The following ANTXRL variants were observed in gnomAD, a reference collection of about 807,000 sequenced individuals.
The protein encoded by ANTXRL is ANTXR like, also known as anthrax toxin receptor-like.
ANTXRL carries 63 observed loss-of-function variants against 75.4 expected under a neutral mutation model. That is an observed-to-expected ratio of 0.84 (90% CI 0.68 to 1.03). ANTXRL has a LOEUF of 1.03. ANTXRL is among the 50% of genes least tolerant of loss of function. ANTXRL has a pLI of 0.00. For missense variants in ANTXRL, 797 were observed against 789.4 expected, an observed-to-expected ratio of 1.01 and a Z score of -0.12; for synonymous variants, 335 against 291.3, an observed-to-expected ratio of 1.15 and a Z score of -1.53.
intron 13 of ANTXRL, 31 bp downstream of exon 13, chr10:46,309,233 G>T: frequency 6.5e-7 from 1 of 1,535,396 alleles, no homozygotes; most frequent in Non-Finnish European, 8.7e-7. Flanking sequence ...CAGCTCTGGG[G>T]CCCAGGCACA....
In ANTXRL at chr10:46,329,990, G is replaced by A; in HGVS notation, c.1802G>A (p.Arg601Lys). 6.5e-7 allele frequency: 1 copy of A among 1,534,956 alleles called. No individual in the cohort carries two copies. The change falls in exon 17 of 17, where the codon AGG becomes AAG. Residue 601 changes from arginine to lysine, a missense_variant. Physicochemically the swap from Arg to Lys is conservative, Grantham distance 26. Around this residue, in one of 3 missense-constraint regions of ANTXRL, gnomAD observed 479 missense variants for 422.0 expected, o/e 1.14. Coordinates refer to ENST00000620264, the MANE Select transcript of ANTXRL (RefSeq NM_001278688.3). Reference sequence around the variant, plus strand: ...CGCCTCCCCCCAGCTAGGTGCTTGAGGCCTCCCTCCAGGATGCTGCCGCTG... The same window carrying A: ...CGCCTCCCCCCAGCTAGGTGCTTGAAGCCTCCCTCCAGGATGCTGCCGCTG... ...RCRLPPARCL[R>K]PPSRMLPLLS... is the part of the protein sequence containing the mutation.
chr10:46,300,181 C>T lies in ANTXRL; in HGVS notation c.796+2119C>T, dbSNP rs192196399. 1.5e-4 allele frequency among the ~76,000 whole-genome samples: 23 copies of T among 152,148 alleles called. No individual in the cohort carries two copies. In the East Asian group the frequency reaches 2.7e-3, roughly 18 times the overall value. On this transcript the variant is annotated intron_variant, in intron 9 of 16. Coordinates refer to ENST00000620264, the MANE Select transcript of ANTXRL (RefSeq NM_001278688.3). ...GCCTTCTGCCTCTGCTCACGTGGCC[C>T]GGCAGTCACAGCCCTGATCTGTCAG...
intron 1 of ANTXRL, among the ~76,000 whole-genome samples, chr10:46,288,608 C>A (rs1186977730): frequency 2.0e-5 from 3 of 152,180 alleles, no homozygotes; most frequent in Non-Finnish European, 2.9e-5. Flanking sequence ...GCCACATAGT[C>A]TTGGGCAAGT....
At chr10:46,307,546 C>A in intron 12 of ANTXRL, 66 bp downstream of exon 12, 1 of 1,413,188 alleles carries the variant, frequency 7.1e-7, no homozygotes, top group Non-Finnish European at 9.7e-7. Flanking sequence ...CTAGAAGGAG[C>A]ACAGAAAAGG....
upstream of ANTXRL, among the ~76,000 whole-genome samples, chr10:46,286,678 T>G (rs566087320): frequency 1.3e-5 from 2 of 152,260 alleles, no homozygotes; most frequent in African/African-American, 2.4e-5. Flanking sequence ...AGTTTCCATC[T>G]CCTTCCCGAA....
At chr10:46,316,720 G>A (rs1399229474) in intron 16 of ANTXRL, among the ~76,000 whole-genome samples, 10 of 152,092 alleles carry the variant, frequency 6.6e-5, no homozygotes, top group South Asian at 2.1e-4. Flanking sequence ...AATGTCACAC[G>A]GCAGGTCCTC....
intron 3 of ANTXRL, 127 bp from the exon 4 acceptor site, chr10:46,295,892 C>A: frequency 1.3e-6 from 1 of 770,670 alleles, no homozygotes. Flanking sequence ...AGGACAAAGC[C>A]CTTGCCTGGG....
intron 16 of ANTXRL, among the ~76,000 whole-genome samples, chr10:46,319,988 A>G (rs1243647321): frequency 6.6e-6 from 1 of 152,194 alleles, no homozygotes; most frequent in Non-Finnish European, 1.5e-5. Context: ...GTGAAGCTGC[A>G]TGATGTTCCA....
At chr10:46,288,422 G>A (rs1245207722) in intron 1 of ANTXRL, among the ~76,000 whole-genome samples, 1 of 152,044 alleles carries the variant, frequency 6.6e-6, no homozygotes, top group Non-Finnish European at 1.5e-5. Context: ...GGCTTCCTGT[G>A]CTGCACACTT....
At chr10:46,297,727 C>A in intron 7 of ANTXRL, 104 bp from the exon 8 acceptor site, 1 of 1,078,774 alleles carries the variant, frequency 9.3e-7, no homozygotes, top group Non-Finnish European at 1.4e-6. Context: ...GCCTGACATT[C>A]TGCTGCCCCC....
chr10:46,315,600 G>A (rs1838682511), intron 16 of ANTXRL, among the ~76,000 whole-genome samples: 1 of 152,260 alleles, frequency 6.6e-6, no homozygotes, highest in Admixed American at 6.5e-5. Flanking sequence ...ACCCATGCCC[G>A]GCCTTGTGAG....
Position 46,307,478 on chromosome 10 carries a change from T to A in ANTXRL, c.1042T>A (p.Cys348Ser), listed in dbSNP as rs1284629560. Residue 348 changes from cysteine to serine, a missense_variant and splice_region_variant, in exon 12 of 17, where the codon TGT becomes AGT. By Grantham distance (112) the Cys-to-Ser change is moderately radical. Around this residue, in one of 3 missense-constraint regions of ANTXRL, gnomAD observed 479 missense variants for 422.0 expected, o/e 1.14. Coordinates refer to ENST00000620264, the MANE Select transcript of ANTXRL (RefSeq NM_001278688.3). ...KSNVSITSTT[C>S]GIFRNWLYFV... is the part of the protein sequence containing the mutation. Reference sequence around the variant, plus strand: ...CAATGTCAGCATCACCAGCACCACATGTGTGAGTACCAGCATGGGGCTGCA... The same window carrying A: ...CAATGTCAGCATCACCAGCACCACAAGTGTGAGTACCAGCATGGGGCTGCA... 2 of 1,535,818 alleles carry A rather than the reference T, an allele frequency of 1.3e-6. No homozygotes were observed. The highest frequency in any genetic ancestry group is 1.7e-6 in the Non-Finnish European group (2 of 1,146,514).
intron 9 of ANTXRL, among the ~76,000 whole-genome samples, 186 bp downstream of exon 9, chr10:46,298,248 G>C (rs1355669305): frequency 6.6e-6 from 1 of 151,978 alleles, no homozygotes; most frequent in East Asian, 1.9e-4. Flanking sequence ...GTTTGTGTGG[G>C]TGCAGTATGT....
At chr10:46,310,530 A>G in intron 14 of ANTXRL, 31 bp downstream of exon 14, 1 of 1,534,654 alleles carries the variant, frequency 6.5e-7, no homozygotes, top group Non-Finnish European at 8.7e-7. Flanking sequence ...CGATATTGTC[A>G]CATCCCAAGG....
chr10:46,300,452 C>T (rs113257266), intron 9 of ANTXRL, among the ~76,000 whole-genome samples: 7,449 of 152,064 alleles, frequency 0.049, 228 homozygotes, highest in African/African-American at 0.088. Flanking sequence ...GTGGCCTCAC[C>T]GCTCAAGGCC....
intron 2 of ANTXRL, among the ~76,000 whole-genome samples, chr10:46,293,492 G>C (rs1289393785): frequency 2.2e-5 from 3 of 133,528 alleles, no homozygotes. Context: ...GTGGGTGTTT[G>C]TGTGGTGTGT....
intron 16 of ANTXRL, among the ~76,000 whole-genome samples, chr10:46,326,429 C>T (rs1370122349): frequency 6.6e-6 from 1 of 152,080 alleles, no homozygotes; most frequent in Admixed American, 6.5e-5. Flanking sequence ...GAGGAGGGGC[C>T]AACTCCTTCT....
At chr10:46,291,530 C>A (rs1313788280) in intron 1 of ANTXRL, among the ~76,000 whole-genome samples, 1 of 152,010 alleles carries the variant, frequency 6.6e-6, no homozygotes, top group African/African-American at 2.4e-5. Context: ...ATTATTGTGC[C>A]TTCTGATTCA....
intron 16 of ANTXRL, among the ~76,000 whole-genome samples, chr10:46,315,176 C>T (rs556553231): frequency 2.0e-5 from 3 of 152,302 alleles, no homozygotes; most frequent in African/African-American, 7.2e-5. Context: ...GACTGTAAGC[C>T]TAGTCATGAG....
Sources: allele counts gnomAD v4.1 joint callset (sites outside exome capture counted in the v4.1 genomes callset), GRCh38; gene constraint gnomAD v4.1.1; regional missense constraint gnomAD v4.1.1; transcripts MANE v1.5; gene names NCBI Gene and HGNC (gene_info 2026-07-23, HGNC 2026-07-21).